The following CHST8 variants were observed in gnomAD, a reference collection of about 807,000 sequenced individuals.
CHST8 encodes the protein GALNAC-4-ST1.
In CHST8, 10 loss-of-function variants were observed where a neutral mutation model predicts 15.0. The observed-to-expected ratio is 0.67, with a 90% CI of 0.41 to 1.13. CHST8 has a LOEUF of 1.13. Among genes scored for constraint, CHST8 ranks in the 50% most tolerant of loss-of-function variants. CHST8 has a pLI of 0.00. For synonymous variants in CHST8, 259 were observed against 256.6 expected (o/e 1.01, Z -0.09); for missense variants, 634 against 608.2 (o/e 1.04, Z -0.45).
intron 1 of CHST8, among the ~76,000 whole-genome samples, chr19:33,655,790 G>A (rs1020899478): frequency 2.0e-5 from 3 of 151,486 alleles, no homozygotes; most frequent in African/African-American, 7.3e-5. Context: ...TTCTTGGTTA[G>A]ACTTTACCAG....
At chr19:33,745,296 C>G (rs774321574) in intron 3 of CHST8, among the ~76,000 whole-genome samples, 5 of 152,184 alleles carry the variant, frequency 3.3e-5, no homozygotes, top group Non-Finnish European at 7.3e-5. Context: ...TACTATTTGC[C>G]CCATATTTCT....
intron 1 of CHST8, among the ~76,000 whole-genome samples, chr19:33,633,465 C>G (rs571053212): frequency 1.1e-4 from 16 of 152,286 alleles, no homozygotes; most frequent in African/African-American, 3.6e-4. Context: ...AATCACAGCT[C>G]ACTGCAGCCT....
chr19:33,638,003 C>G (rs1470453400), intron 1 of CHST8, among the ~76,000 whole-genome samples: 2 of 152,012 alleles, frequency 1.3e-5, no homozygotes, highest in Admixed American at 1.3e-4. Flanking sequence ...CAAATGAGAT[C>G]TTTGGCCCCA....
intron 1 of CHST8, among the ~76,000 whole-genome samples, chr19:33,636,917 T>C (rs192334211): frequency 4.3e-3 from 655 of 152,046 alleles, no homozygotes; most frequent in Non-Finnish European, 7.2e-3. Flanking sequence ...AGAAAGAAAG[T>C]AAAGGAATAA....
intron 3 of CHST8, among the ~76,000 whole-genome samples, chr19:33,738,874 G>C (rs959091852): frequency 6.6e-6 from 1 of 152,174 alleles, no homozygotes; most frequent in Non-Finnish European, 1.5e-5. Context: ...ACAGGCATGA[G>C]CCACCGTGCC....
At chr19:33,649,885 G>A (rs1388390506) in intron 1 of CHST8, among the ~76,000 whole-genome samples, 1 of 152,176 alleles carries the variant, frequency 6.6e-6, no homozygotes, top group Non-Finnish European at 1.5e-5. Context: ...AATTGTTTCA[G>A]TATTGTTTAT....
chr19:33,740,770 C>T (rs935786881), intron 3 of CHST8, among the ~76,000 whole-genome samples: 2 of 152,168 alleles, frequency 1.3e-5, no homozygotes, highest in East Asian at 1.9e-4. Context: ...TCATATGGGA[C>T]AGTGCACACA....
intron 3 of CHST8, among the ~76,000 whole-genome samples, chr19:33,705,885 G>A (rs1420958928): frequency 6.6e-6 from 1 of 152,184 alleles, no homozygotes; most frequent in African/African-American, 2.4e-5. Context: ...TCAAGGAGGT[G>A]GCATCCAGGG....
chr19:33,738,898 A>G (rs866349569), intron 3 of CHST8, among the ~76,000 whole-genome samples: 4 of 152,120 alleles, frequency 2.6e-5, no homozygotes, highest in African/African-American at 9.7e-5. Flanking sequence ...CCGGAGTCCA[A>G]GATTTTTAGC....
At chr19:33,679,183 C>A (rs1472282254) in intron 2 of CHST8, among the ~76,000 whole-genome samples, 1 of 152,248 alleles carries the variant, frequency 6.6e-6, no homozygotes, top group Non-Finnish European at 1.5e-5. Context: ...CCATATTATA[C>A]CCCAACTTTC....
chr19:33,623,313 G>C (rs565557589), intron 1 of CHST8, among the ~76,000 whole-genome samples: 2 of 152,292 alleles, frequency 1.3e-5, no homozygotes, highest in South Asian at 4.1e-4. Flanking sequence ...CGGCGTCCCA[G>C]AGGACTCTGC....
At chr19:33,657,070 T>C (rs1267846412) in intron 1 of CHST8, among the ~76,000 whole-genome samples, 1 of 151,814 alleles carries the variant, frequency 6.6e-6, no homozygotes, top group African/African-American at 2.4e-5. Flanking sequence ...GTTAAAACCT[T>C]CCATTTTGAT....
intron 1 of CHST8, among the ~76,000 whole-genome samples, chr19:33,655,562 T>TG (rs1262824872): frequency 6.6e-6 from 1 of 152,188 alleles, no homozygotes; most frequent in African/African-American, 2.4e-5. Flanking sequence ...ACAGTGCCTT[T>TG]GGGGGTGGGG....
intron 1 of CHST8, among the ~76,000 whole-genome samples, chr19:33,654,455 C>T (rs6510392): frequency 0.25 from 37,856 of 151,828 alleles, 5,529 homozygotes; most frequent in African/African-American, 0.37. Context: ...TAATTTAAGA[C>T]TGTTGACTTT....
At chr19:33,630,455 C>T (rs2145435484) in intron 1 of CHST8, among the ~76,000 whole-genome samples, 1 of 151,476 alleles carries the variant, frequency 6.6e-6, no homozygotes, top group East Asian at 2.0e-4. Flanking sequence ...TCTGTCTACA[C>T]TGGTGGGGCC....
chr19:33,668,903 G>A lies in CHST8; in HGVS notation c.-87+1060G>A, dbSNP rs528148560. ...AAAAACAAGCATTTTCTGTTTGAAC[G>A]TGAGGATATGCTTAGAGGAAGAAAG... On this transcript the variant is annotated intron_variant, in intron 2 of 4. Coordinates refer to ENST00000650847, the MANE Select transcript of CHST8 (RefSeq NM_001127895.2). 2.0e-5 allele frequency among the ~76,000 whole-genome samples: 3 copies of A among 152,192 alleles called. No homozygotes were observed. In the South Asian group the frequency reaches 6.2e-4, roughly 32 times the overall value.
chr19:33,716,771 G>T (rs1303684281), intron 3 of CHST8, among the ~76,000 whole-genome samples: 1 of 152,184 alleles, frequency 6.6e-6, no homozygotes, highest in East Asian at 1.9e-4. Context: ...GTTGGCTAGG[G>T]TTGCTGTAGC....
At chr19:33,631,783 C>T (rs1189010722) in intron 1 of CHST8, among the ~76,000 whole-genome samples, 1 of 152,182 alleles carries the variant, frequency 6.6e-6, no homozygotes, top group Non-Finnish European at 1.5e-5. Context: ...CCACCCCAGG[C>T]AGCCACCTCT....
chr19:33,763,233 G>A (rs577841666), intron 3 of CHST8, among the ~76,000 whole-genome samples: 102 of 152,276 alleles, frequency 6.7e-4, no homozygotes, highest in African/African-American at 9.6e-4. Flanking sequence ...GTGGTCCTCC[G>A]CGTGGTCCAC....
Sources: gnomAD v4.1 joint callset for allele counts (sites outside exome capture counted in the v4.1 genomes callset) on GRCh38, gnomAD v4.1.1 for gene constraint, MANE v1.5 for transcripts, NCBI Gene and HGNC (gene_info 2026-07-23, HGNC 2026-07-21) for gene names.